The following PRAMEF14 variants were observed in gnomAD, a reference collection of about 807,000 sequenced individuals.
The protein encoded by PRAMEF14 is PRAME family member 14.
A neutral mutation model predicts 38.3 loss-of-function variants in PRAMEF14; 24 were observed. The observed-to-expected ratio is 0.63, with a 90% CI of 0.45 to 0.88. The LOEUF is 0.88. Ranked by LOEUF, PRAMEF14 falls within the 40% of genes least tolerant of loss-of-function variation. The pLI is 0.00. For missense variants in PRAMEF14, 477 were observed against 570.8 expected (o/e 0.84, Z 1.67); for synonymous variants, 194 against 226.4 (o/e 0.86, Z 1.29).
chr1:13,343,946 T>G, intron 3 of PRAMEF14, 92 bp downstream of exon 3: 4 of 1,574,926 alleles, frequency 2.5e-6, no homozygotes, highest in Non-Finnish European at 3.5e-6. Context: ...ACGTTGCCAC[T>G]GGCTGGCACA....
chr1:13,344,120 C>G lies in PRAMEF14; in HGVS notation c.784G>C (p.Val262Leu). 6.2e-7 allele frequency: 1 copy of G among 1,606,672 alleles called. No homozygotes were observed. Among genetic ancestry groups the G allele is most frequent in the Non-Finnish European group, 8.5e-7 (1 of 1,177,220 alleles). The change falls in exon 3 of 4, where the codon GTG becomes CTG. Residue 262 changes from valine (V) to leucine (L), a missense_variant. This residue lies in a region of PRAMEF14 where 234 missense variants were observed against 247.4 expected (regional missense o/e 0.95). Coordinates refer to ENST00000334600, the MANE Select transcript of PRAMEF14 (RefSeq NM_001024661.2). ...TGGAGGTGTTCCAGCCTGAGGAACACAGAGCTGAATTTGGTGACTAACCGT... is the reference window on the plus strand; with the variant it reads ...TGGAGGTGTTCCAGCCTGAGGAACAGAGAGCTGAATTTGGTGACTAACCGT... ...EGRLVTKFSS[V>L]FLRLEHLQLL... is the part of the protein sequence containing the mutation.
At chr1:13,343,549 C>T in intron 3 of PRAMEF14, 1 of 1,311,350 alleles carries the variant, frequency 7.6e-7, no homozygotes, top group Non-Finnish European at 1.0e-6. Context: ...CACACATTTC[C>T]CATGTCAGTT....
In PRAMEF14 at chr1:13,344,160, A is replaced by T. The variant is rs1216858023; in HGVS notation, c.744T>A (p.Asp248Glu). Reference sequence around the variant, plus strand: ...TGACTAACCGTCCTTCGAGTTCATTATCTGACATGGAATGATGGCACCTGG... The same window carrying T: ...TGACTAACCGTCCTTCGAGTTCATTTTCTGACATGGAATGATGGCACCTGG... Reference protein sequence around the residue: ...VFSRCHHSMSDNELEGRLVTK... With the variant: ...VFSRCHHSMSENELEGRLVTK... The change falls in exon 3 of 4, where the codon GAT (aspartate) becomes GAA (glutamate). Residue 248 changes from aspartate to glutamate, a missense_variant. By Grantham distance (45) the Asp-to-Glu change is conservative. Coordinates refer to ENST00000334600, the MANE Select transcript of PRAMEF14 (RefSeq NM_001024661.2). The T allele has an allele frequency of 3.7e-6, 6 of 1,604,360 alleles. 1 individual carries two copies. The East Asian group carries it at 1.4e-4, about 39-fold the overall frequency.
intron 2 of PRAMEF14, 133 bp from the exon 3 acceptor site, chr1:13,344,749 G>T (rs2130973): frequency 1.4e-6 from 2 of 1,457,230 alleles, no homozygotes; most frequent in East Asian, 2.5e-5. Flanking sequence ...CTCAATCCCT[G>T]TTCCCTTTTG....
chr1:13,345,262 A>C lies in PRAMEF14; in HGVS notation c.53T>G (p.Leu18Arg), dbSNP rs2100353939. 1.2e-6 allele frequency: 2 copies of C among 1,607,568 alleles called. No homozygotes were observed. The highest frequency in any genetic ancestry group is 4.7e-5 in the East Asian group (2 of 42,442). ...RLLELAGQSL[L>R]RDQALSISAM... ...AGAGATGGACAAGGCCTGGTCTCTC[A>C]GCAGGCTCTGCCCTGCCAGCTCCAG... is the stretch of plus-strand genomic sequence containing the variant. Residue 18 changes from leucine (L) to arginine (R), a missense_variant, in exon 2 of 4, where the codon CTG (leucine) becomes CGG (arginine). Coordinates refer to ENST00000334600, the MANE Select transcript of PRAMEF14 (RefSeq NM_001024661.2).
chr1:13,344,588 G>T lies in PRAMEF14; in HGVS notation c.316C>A (p.Arg106=), dbSNP rs1380537182. The T allele has an allele frequency of 5.3e-5, 85 of 1,604,060 alleles. 12 individuals are homozygous for T. In the East Asian group the frequency reaches 6.9e-4, roughly 13 times the overall value. ...GCCCAGAAATTCTCATCAACATCCC[G>T]CAAATCCAGCACTTGAAGTTTCCAC... ...RRWKLQVLDL[R]DVDENFWARW... The change falls in exon 3 of 4, where the codon CGG becomes AGG. Residue 106 remains arginine (R), a synonymous_variant. Coordinates refer to ENST00000334600, the MANE Select transcript of PRAMEF14 (RefSeq NM_001024661.2).
chr1:13,343,159 T>C lies in PRAMEF14; in HGVS notation c.867-73A>G. 6.7e-6 allele frequency: 8 copies of C among 1,187,730 alleles called. 1 individual carries two copies. Among genetic ancestry groups the C allele is most frequent in the South Asian group, 2.9e-5 (2 of 69,236 alleles). 73.6% of individuals were successfully genotyped at this position (1,187,730 alleles called of 1,614,324 possible). A position where few individuals can be genotyped will look rare whatever the true frequency, so the allele number is the denominator to read the frequency against. On this transcript the variant is annotated intron_variant, in intron 3 of 3. Transcript: ENST00000334600. ...AAGGTAGTGCCTTCATCTAGGAAAA[T>C]GCCTGCGTCAAACAAACACAAGTTT...
intron 1 of PRAMEF14, among the ~76,000 whole-genome samples, chr1:13,346,457 A>C (rs1475518057): frequency 2.7e-5 from 4 of 150,554 alleles, no homozygotes; most frequent in South Asian, 2.1e-4. Context: ...TCAGTGAGCC[A>C]AATCACACCA....
chr1:13,346,845 G>T (rs1374717613), intron 1 of PRAMEF14, among the ~76,000 whole-genome samples: 1 of 150,248 alleles, frequency 6.7e-6, no homozygotes, highest in Non-Finnish European at 1.5e-5. Flanking sequence ...AACCTGCTTC[G>T]ATAAGAATTT....
In PRAMEF14 at chr1:13,344,166, C is replaced by T. The variant is rs1197965709; in HGVS notation, c.738G>A (p.Met246Ile). Reference sequence around the variant, plus strand: ...ACCGTCCTTCGAGTTCATTATCTGACATGGAATGATGGCACCTGGAGAAAA... The same window carrying T: ...ACCGTCCTTCGAGTTCATTATCTGATATGGAATGATGGCACCTGGAGAAAA... ...KLVFSRCHHS[M>I]SDNELEGRLV... Residue 246 changes from methionine (M) to isoleucine (I), a missense_variant, in exon 3 of 4, where the codon ATG (methionine) becomes ATA (isoleucine). This residue lies in a region of PRAMEF14 where 234 missense variants were observed against 247.4 expected (regional missense o/e 0.95). Coordinates refer to ENST00000334600, the MANE Select transcript of PRAMEF14 (RefSeq NM_001024661.2). 2 of 1,605,932 alleles carry T rather than the reference C, an allele frequency of 1.2e-6. No individual in the cohort carries two copies. The highest frequency in any genetic ancestry group is 2.7e-5 in the African/African-American group (2 of 74,696).
rs1640333742 is a variant in PRAMEF14 at position 13,341,996 on chromosome 1, A to G, written c.*532T>C. 6.3e-6 allele frequency: 1 copy of G among 157,638 alleles called. No individual in the cohort carries two copies. The highest frequency in any genetic ancestry group is 1.8e-4 in the South Asian group (1 of 5,546). The allele number at this position is 157,638 out of a possible 1,614,324, so 9.8% of individuals were successfully genotyped here. On this transcript the variant is annotated 3_prime_UTR_variant, in exon 4 of 4. Coordinates refer to ENST00000334600, the MANE Select transcript of PRAMEF14 (RefSeq NM_001024661.2). ...TTTCCATCAGTAACTCAATAACTAGATATTTCTGGTGGATAAATTGCTACA... is the reference window on the plus strand; with the variant it reads ...TTTCCATCAGTAACTCAATAACTAGGTATTTCTGGTGGATAAATTGCTACA...
In PRAMEF14 at chr1:13,342,656, G is replaced by T. The variant is rs748539588; in HGVS notation, c.1297C>A (p.Leu433Ile). The change falls in exon 4 of 4, where the codon CTT becomes ATT. Residue 433 changes from leucine (L) to isoleucine (I), a missense_variant. This residue lies in a region of PRAMEF14 where 151 missense variants were observed against 137.4 expected (regional missense o/e 1.10). Coordinates refer to ENST00000334600, the MANE Select transcript of PRAMEF14 (RefSeq NM_001024661.2). ...VRVDWEIFAL[L>I]RAELMCTLRE... ...AGTGTACACATCAGCTCAGCCCGAAGTAGGGCGAAGATCTCCCAATCGACA... is the reference window on the plus strand; with the variant it reads ...AGTGTACACATCAGCTCAGCCCGAATTAGGGCGAAGATCTCCCAATCGACA... The T allele has an allele frequency of 1.2e-6, 2 of 1,605,230 alleles. No homozygotes were observed. Among genetic ancestry groups the T allele is most frequent in the Non-Finnish European group, 8.5e-7 (1 of 1,178,084 alleles).
intron 3 of PRAMEF14, 49 bp downstream of exon 3, chr1:13,343,989 A>G: frequency 1.9e-6 from 3 of 1,604,058 alleles, no homozygotes; most frequent in Non-Finnish European, 2.6e-6. Flanking sequence ...GCTGTAACAG[A>G]ACAAGGCTAT....
chr1:13,346,224 G>C (rs1640403292), intron 1 of PRAMEF14, among the ~76,000 whole-genome samples: 1 of 150,894 alleles, frequency 6.6e-6, no homozygotes, highest in Admixed American at 6.6e-5. Context: ...AATGCTAACT[G>C]TAGCTGGGCG....
chr1:13,344,951 C>G, intron 2 of PRAMEF14, 77 bp downstream of exon 2: 1 of 1,468,088 alleles, frequency 6.8e-7, no homozygotes, highest in Admixed American at 1.8e-5. Flanking sequence ...CACACTTGGG[C>G]TACTTCTCTG....
intron 2 of PRAMEF14, 31 bp downstream of exon 2, chr1:13,344,997 C>T (rs1640382464): frequency 3.6e-6 from 5 of 1,387,590 alleles, no homozygotes; most frequent in Non-Finnish European, 5.0e-6. Flanking sequence ...ACACCTGAGC[C>T]CTATCTACCA....
Position 13,344,143 on chromosome 1 carries a change from C to T in PRAMEF14, c.761G>A (p.Arg254Gln), listed in dbSNP as rs1278655942. ...CACAGAGCTGAATTTGGTGACTAACCGTCCTTCGAGTTCATTATCTGACAT... is the reference window on the plus strand; with the variant it reads ...CACAGAGCTGAATTTGGTGACTAACTGTCCTTCGAGTTCATTATCTGACAT... The part of the protein sequence containing the change: ...HSMSDNELEG[R>Q]LVTKFSSVFL... Residue 254 changes from arginine (R) to glutamine (Q), a missense_variant, in exon 3 of 4, where the codon CGG becomes CAG. Coordinates refer to ENST00000334600, the MANE Select transcript of PRAMEF14 (RefSeq NM_001024661.2). 1.7e-5 allele frequency: 27 copies of T among 1,606,032 alleles called. 1 individual carries two copies. Among genetic ancestry groups the T allele is most frequent in the African/African-American group, 4.0e-5 (3 of 74,652 alleles).
chr1:13,342,523 C>A lies in PRAMEF14; in HGVS notation c.*5G>T. On this transcript the variant is annotated 3_prime_UTR_variant, in exon 4 of 4. Transcript: ENST00000334600. The stretch of plus-strand genomic sequence containing the variant: ...GATTTCTCTACCCCGCTAGGCACGC[C>A]TTCCCTAGCAGCAAAGATGGAGCTC... 1 of 1,604,956 alleles carries A rather than the reference C, an allele frequency of 6.2e-7. No individual in the cohort carries two copies. Among genetic ancestry groups the A allele is most frequent in the Non-Finnish European group, 8.5e-7 (1 of 1,177,160 alleles).
chr1:13,344,054 G>T lies in PRAMEF14; in HGVS notation c.850C>A (p.Leu284Met). 6.2e-7 allele frequency: 1 copy of T among 1,608,746 alleles called. No individual in the cohort carries two copies. ...IKLITFFSGH[L>M]EQLIRCLQNP... ...CTTCCTCACCTGATCAGCTGTTCCAGGTGCCCACTGAAGAAGGTGATCAAT... is the reference window on the plus strand; with the variant it reads ...CTTCCTCACCTGATCAGCTGTTCCATGTGCCCACTGAAGAAGGTGATCAAT... The change falls in exon 3 of 4, where the codon CTG (leucine) becomes ATG (methionine). Residue 284 changes from leucine (L) to methionine (M), a missense_variant. Physicochemically the swap from Leu to Met is conservative, Grantham distance 15 (BLOSUM62 2). Transcript: ENST00000334600.
Sources: gnomAD v4.1 joint callset for allele counts (sites outside exome capture counted in the v4.1 genomes callset) on GRCh38, gnomAD v4.1.1 for gene constraint, gnomAD v4.1.1 regional missense constraint, MANE v1.5 for transcripts, NCBI Gene and HGNC (gene_info 2026-07-23, HGNC 2026-07-21) for gene names.